CNTN5: variants seen among roughly 807,000 people sequenced by gnomAD.
CNTN5 encodes contactin 5.
Under a neutral mutation model 129.1 loss-of-function variants are expected in CNTN5, and 77 were observed. The ratio of observed to expected loss-of-function variants is 0.60; its 90% CI spans 0.50 to 0.72. The LOEUF is 0.72. Among genes scored for constraint, CNTN5 ranks in the 30% least tolerant of loss-of-function variants. CNTN5 has a pLI of 0.00. For synonymous variants in CNTN5, 509 were observed against 465.6 expected (o/e 1.09, Z -1.20); for missense variants, 1,478 against 1,328.8 (o/e 1.11, Z -1.75).
chr11:99,578,369 G>A (rs1306215051), intron 3 of CNTN5, among the ~76,000 whole-genome samples: 1 of 148,458 alleles, frequency 6.7e-6, no homozygotes, highest in Non-Finnish European at 1.5e-5. Context: ...GGGTCAAATG[G>A]TATTTCTAGT....
chr11:100,241,370 C>T (rs187874695), intron 16 of CNTN5, among the ~76,000 whole-genome samples: 19 of 152,312 alleles, frequency 1.2e-4, no homozygotes, highest in Admixed American at 3.9e-4. Context: ...AATATTTATG[C>T]CTACTTTACT....
At chr11:99,608,695 T>C (rs1950507356) in intron 3 of CNTN5, among the ~76,000 whole-genome samples, 2 of 152,194 alleles carry the variant, frequency 1.3e-5, no homozygotes. Context: ...GCTAAACTTG[T>C]GTTGCTTAAG....
chr11:99,103,498 C>A (rs1014977758), intron 1 of CNTN5, among the ~76,000 whole-genome samples: 1 of 151,746 alleles, frequency 6.6e-6, no homozygotes, highest in African/African-American at 2.4e-5. Context: ...CCATGTGGAC[C>A]TTAACAATTT....
chr11:99,065,513 C>T (rs1865064778), intron 1 of CNTN5, among the ~76,000 whole-genome samples: 1 of 152,270 alleles, frequency 6.6e-6, no homozygotes, highest in East Asian at 1.9e-4. Context: ...TCTACTGTCA[C>T]CATCTTTATC....
rs536019097 is a variant in CNTN5, at chr11:99,621,599, C to T, written c.55+65330C>T. Among the ~76,000 whole-genome samples the T allele has an allele frequency of 5.3e-5, 8 of 152,170 alleles. No individual in the cohort carries two copies. The South Asian group carries it at 1.5e-3, about 28-fold the overall frequency. On this transcript the variant is annotated intron_variant, in intron 3 of 24. Transcript: ENST00000524871. ...ATTTTTGTACTGCTCTATAATCTAT[C>T]ACGAGGGCTTTGAGCAGGTGAACAT...
chr11:99,212,226 A>G (rs776485259), intron 1 of CNTN5, among the ~76,000 whole-genome samples: 1 of 152,108 alleles, frequency 6.6e-6, no homozygotes. Context: ...TCACCATTTT[A>G]CATAAAAACT....
chr11:99,849,447 T>C (rs1254238388), intron 6 of CNTN5, among the ~76,000 whole-genome samples: 3 of 151,972 alleles, frequency 2.0e-5, no homozygotes, highest in Non-Finnish European at 4.4e-5. Context: ...AGAAATATAT[T>C]TTAAAATGTT....
intron 2 of CNTN5, among the ~76,000 whole-genome samples, chr11:99,552,207 GT>G (rs758718492): frequency 6.8e-6 from 1 of 146,704 alleles, no homozygotes; most frequent in African/African-American, 2.5e-5. Flanking sequence ...CACCTGGTCA[GT>G]TTTTGTGTTT....
intron 1 of CNTN5, among the ~76,000 whole-genome samples, chr11:99,093,525 CTTTTG>C (rs1373940612): frequency 2.0e-5 from 3 of 149,232 alleles, no homozygotes; most frequent in African/African-American, 5.0e-5. Context: ...CTGTTGTTTT[CTTTTG>C]ACATTAAATG....
intron 8 of CNTN5, among the ~76,000 whole-genome samples, chr11:99,979,589 C>T (rs1416134874): frequency 1.3e-5 from 2 of 152,060 alleles, no homozygotes; most frequent in African/African-American, 4.8e-5. Flanking sequence ...TTTTTCTTCT[C>T]TTCTTTACCA....
At chr11:100,259,757 G>C (rs944650353) in intron 17 of CNTN5, among the ~76,000 whole-genome samples, 1 of 151,902 alleles carries the variant, frequency 6.6e-6, no homozygotes, top group African/African-American at 2.4e-5. Flanking sequence ...TGAGAACAAA[G>C]AGACAACATA....
chr11:100,333,535 A>G (rs949688585), intron 21 of CNTN5, among the ~76,000 whole-genome samples: 1 of 152,218 alleles, frequency 6.6e-6, no homozygotes, highest in Admixed American at 6.5e-5. Flanking sequence ...ACTTCAAACT[A>G]TTCTATAAGG....
chr11:99,112,550 A>C (rs950355918), intron 1 of CNTN5, among the ~76,000 whole-genome samples: 1 of 152,052 alleles, frequency 6.6e-6, no homozygotes, highest in African/African-American at 2.4e-5. Flanking sequence ...TGTTGGCACC[A>C]TTATTGACTA....
At chr11:99,478,660 A>G (rs1945474575) in intron 2 of CNTN5, among the ~76,000 whole-genome samples, 2 of 151,874 alleles carry the variant, frequency 1.3e-5, no homozygotes, top group South Asian at 4.1e-4. Flanking sequence ...TTTTTTTGAG[A>G]TGGTTGTTAA....
chr11:99,532,396 G>C (rs573758407), intron 2 of CNTN5, among the ~76,000 whole-genome samples: 1 of 152,260 alleles, frequency 6.6e-6, no homozygotes, highest in African/African-American at 2.4e-5. Flanking sequence ...CCTTGTCTCA[G>C]ATGAGACTTT....
At chr11:99,132,197 C>T (rs573891545) in intron 1 of CNTN5, among the ~76,000 whole-genome samples, 2 of 85,842 alleles carry the variant, frequency 2.3e-5, no homozygotes, top group East Asian at 4.1e-4. Context: ...TAAAATTTAA[C>T]ATCCTTTCAT....
intron 9 of CNTN5, among the ~76,000 whole-genome samples, chr11:100,014,969 C>T (rs961936565): frequency 6.6e-6 from 1 of 152,060 alleles, no homozygotes; most frequent in East Asian, 1.9e-4. Flanking sequence ...ACCATTTAGG[C>T]GTTTTCCAAA....
chr11:99,140,559 C>A (rs1859463540), intron 1 of CNTN5, among the ~76,000 whole-genome samples: 1 of 151,976 alleles, frequency 6.6e-6, no homozygotes, highest in Non-Finnish European at 1.5e-5. Flanking sequence ...AATAGGCATC[C>A]TTGCTTGTTC....
chr11:99,692,999 A>G (rs1385306876), intron 3 of CNTN5, among the ~76,000 whole-genome samples: 1 of 152,190 alleles, frequency 6.6e-6, no homozygotes, highest in Non-Finnish European at 1.5e-5. Flanking sequence ...TGGAAGAATG[A>G]AAGCAATATT....
Sources: allele counts gnomAD v4.1 joint callset (sites outside exome capture counted in the v4.1 genomes callset), GRCh38; gene constraint gnomAD v4.1.1; transcripts MANE v1.5; gene names NCBI Gene and HGNC (gene_info 2026-07-23, HGNC 2026-07-21).